The following DLGAP1 variants were observed in gnomAD, a reference collection of about 807,000 sequenced individuals.
The protein encoded by DLGAP1 is DLG associated protein 1, also known as disks large-associated protein 1.
Under a neutral mutation model 90.8 loss-of-function variants are expected in DLGAP1, and 11 were observed. The observed-to-expected ratio is 0.12, with a 90% CI of 0.08 to 0.20. The LOEUF (loss-of-function observed/expected upper bound fraction) is 0.20, where lower values mean the gene tolerates loss of function less well. DLGAP1 is among the 10% of genes least tolerant of loss of function. The pLI is 1.00. For missense variants in DLGAP1, 1,050 were observed against 1,333.8 expected, an observed-to-expected ratio of 0.79 and a Z score of 3.31; for synonymous variants, 558 against 540.7, an observed-to-expected ratio of 1.03 and a Z score of -0.44.
chr18:4,000,839 CT>C (rs1227609052), intron 3 of DLGAP1, among the ~76,000 whole-genome samples: 1 of 152,056 alleles, frequency 6.6e-6, no homozygotes, highest in Non-Finnish European at 1.5e-5. Flanking sequence ...CCAAAAAAAC[CT>C]TTTTTCTTTT....
chr18:3,538,143 C>A (rs2052481831), intron 9 of DLGAP1, among the ~76,000 whole-genome samples: 2 of 152,010 alleles, frequency 1.3e-5, no homozygotes, highest in South Asian at 4.1e-4. Flanking sequence ...AGAGTCATCT[C>A]AATAAATCAA....
At chr18:4,341,844 T>C (rs1452883297) in intron 1 of DLGAP1, among the ~76,000 whole-genome samples, 2 of 152,088 alleles carry the variant, frequency 1.3e-5, no homozygotes, top group Non-Finnish European at 2.9e-5. Context: ...GAAAGAATAG[T>C]GAAGTGAAAA....
At chr18:3,510,430 G>C (rs1342432242) in intron 10 of DLGAP1, among the ~76,000 whole-genome samples, 1 of 152,220 alleles carries the variant, frequency 6.6e-6, no homozygotes, top group Non-Finnish European at 1.5e-5. Context: ...CCCTGGCTAG[G>C]AGAGAAAAGG....
At chr18:4,229,201 C>T (rs491078) in intron 1 of DLGAP1, among the ~76,000 whole-genome samples, 83,604 of 151,784 alleles carry the variant, frequency 0.55, 23,156 homozygotes, top group East Asian at 0.67. Context: ...AATGGAAAGA[C>T]ATTCTATGTT....
At chr18:4,089,974 G>A (rs113358302) in intron 2 of DLGAP1, among the ~76,000 whole-genome samples, 1 of 152,290 alleles carries the variant, frequency 6.6e-6, no homozygotes, top group African/African-American at 2.4e-5. Context: ...GAACCCGGGA[G>A]GCGGAGTTTG....
intron 12 of DLGAP1, among the ~76,000 whole-genome samples, chr18:3,500,219 G>T (rs559827067): frequency 1.3e-5 from 2 of 152,114 alleles, no homozygotes; most frequent in Non-Finnish European, 2.9e-5. Flanking sequence ...TGAAATGGGC[G>T]GATATTTTCA....
At chr18:4,401,518 T>C (rs1224375219) in intron 1 of DLGAP1, among the ~76,000 whole-genome samples, 1 of 152,186 alleles carries the variant, frequency 6.6e-6, no homozygotes, top group Non-Finnish European at 1.5e-5. Context: ...AGACTGAGAA[T>C]TTAGTGATCA....
chr18:3,598,900 G>A (rs1387598004), intron 7 of DLGAP1, among the ~76,000 whole-genome samples: 1 of 152,072 alleles, frequency 6.6e-6, no homozygotes, highest in Non-Finnish European at 1.5e-5. Flanking sequence ...AGCCTCCTGA[G>A]TACCTGAGAC....
intron 3 of DLGAP1, among the ~76,000 whole-genome samples, chr18:3,882,505 T>C (rs572340071): frequency 3.5e-5 from 5 of 142,540 alleles, no homozygotes; most frequent in African/African-American, 1.3e-4. Context: ...TCAGCCTGGG[T>C]GACAGAATGA....
chr18:3,865,917 AGTCATG>A (rs2148766386), intron 4 of DLGAP1, among the ~76,000 whole-genome samples: 1 of 152,254 alleles, frequency 6.6e-6, no homozygotes, highest in East Asian at 1.9e-4. Flanking sequence ...TCTTATTCTT[AGTCATG>A]GTCACATAAA....
intron 3 of DLGAP1, among the ~76,000 whole-genome samples, chr18:3,925,629 T>C (rs2072365499): frequency 6.6e-6 from 1 of 152,204 alleles, no homozygotes; most frequent in Non-Finnish European, 1.5e-5. Context: ...AGAGCTAATA[T>C]GTTTAAAGAC....
At chr18:4,433,763 A>G (rs970391648) in intron 1 of DLGAP1, among the ~76,000 whole-genome samples, 3 of 152,230 alleles carry the variant, frequency 2.0e-5, no homozygotes, top group African/African-American at 7.2e-5. Flanking sequence ...CTATGCAAAT[A>G]TATGTGACTG....
Position 3,974,851 on chromosome 18 carries a change from G to A in DLGAP1, c.-73+30265C>T, listed in dbSNP as rs544894477. ...ATATTATTCAGTCTTACATAGGTAG[G>A]AAATCCTGTCATATAGTACAACATG... On this transcript the variant is annotated intron_variant, in intron 3 of 12. Transcript: ENST00000315677. Among the ~76,000 whole-genome samples, 98 of 151,932 alleles carry A rather than the reference G, an allele frequency of 6.5e-4. 5 individuals carry two copies. The South Asian group carries it at 0.019, about 29-fold the overall frequency.
At chr18:4,321,111 T>C (rs1026396692) in intron 1 of DLGAP1, among the ~76,000 whole-genome samples, 2 of 152,248 alleles carry the variant, frequency 1.3e-5, no homozygotes, top group African/African-American at 4.8e-5. Context: ...TGCAGTCTCC[T>C]GCAGATAACA....
chr18:3,620,853 C>T (rs540635161), intron 7 of DLGAP1, among the ~76,000 whole-genome samples: 5 of 152,264 alleles, frequency 3.3e-5, no homozygotes, highest in Admixed American at 2.0e-4. Context: ...CCACCACGTC[C>T]GGCCTGGTAT....
chr18:3,537,067 T>C (rs918671465), intron 9 of DLGAP1, among the ~76,000 whole-genome samples: 3 of 152,078 alleles, frequency 2.0e-5, no homozygotes, highest in Non-Finnish European at 4.4e-5. Context: ...GGCCTAATAG[T>C]TTACTTATTT....
chr18:3,890,886 G>A (rs1285661140), intron 3 of DLGAP1, among the ~76,000 whole-genome samples: 4 of 152,136 alleles, frequency 2.6e-5, no homozygotes, highest in Non-Finnish European at 4.4e-5. Flanking sequence ...GCACCACTGC[G>A]CCAGCTTATT....
At chr18:3,652,026 TG>T (rs2059326346) in intron 7 of DLGAP1, among the ~76,000 whole-genome samples, 1 of 149,580 alleles carries the variant, frequency 6.7e-6, no homozygotes, top group Non-Finnish European at 1.5e-5. Context: ...TAGCCGGGCG[TG>T]GTGGCGCGCG....
intron 2 of DLGAP1, among the ~76,000 whole-genome samples, chr18:4,016,319 C>A (rs966593160): frequency 1.3e-5 from 2 of 152,214 alleles, no homozygotes; most frequent in South Asian, 4.1e-4. Context: ...CCAAGGCAGC[C>A]GCTGGTGAGC....
Sources: allele counts gnomAD v4.1 joint callset (sites outside exome capture counted in the v4.1 genomes callset), GRCh38; gene constraint gnomAD v4.1.1; transcripts MANE v1.5; gene names NCBI Gene and HGNC (gene_info 2026-07-23, HGNC 2026-07-21).